The following HSP90AA1 variants were observed in gnomAD, a reference collection of about 807,000 sequenced individuals.
HSP90AA1 encodes heat shock protein 90 alpha family class A member 1.
HSP90AA1 carries 18 observed loss-of-function variants against 73.3 expected under a neutral mutation model. That is an observed-to-expected ratio of 0.25 (90% CI 0.17 to 0.36). The LOEUF (loss-of-function observed/expected upper bound fraction) is 0.36, where lower values mean the gene tolerates loss of function less well. Among genes scored for constraint, HSP90AA1 ranks in the 10% least tolerant of loss-of-function variants. The probability of loss-of-function intolerance (pLI) is 1.00; values close to 1 mark genes in which losing one functional copy is unlikely to be tolerated. For synonymous variants in HSP90AA1, 477 were observed against 296.9 expected, an observed-to-expected ratio of 1.61 and a Z score of -6.24; for missense variants, 704 against 874.2, an observed-to-expected ratio of 0.81 and a Z score of 2.45.
chr14:102,092,988 G>A (rs1432688082), intron 2 of HSP90AA1, among the ~76,000 whole-genome samples: 1 of 151,898 alleles, frequency 6.6e-6, no homozygotes, highest in Non-Finnish European at 1.5e-5. Flanking sequence ...CACGTGATCC[G>A]CCTGCCTCGG....
At chr14:102,138,340 A>G (rs1240033875) in intron 1 of HSP90AA1, among the ~76,000 whole-genome samples, 1 of 152,226 alleles carries the variant, frequency 6.6e-6, no homozygotes, top group Non-Finnish European at 1.5e-5. Context: ...CGTGTTTTCA[A>G]TGTAAAATAA....
chr14:102,089,325 C>A (rs560070989), upstream of HSP90AA1, among the ~76,000 whole-genome samples: 2 of 152,332 alleles, frequency 1.3e-5, no homozygotes, highest in East Asian at 3.9e-4. Flanking sequence ...TCACTGGGAA[C>A]CACTGTTTCC....
Position 102,084,906 on chromosome 14 carries a change from C to G in HSP90AA1, c.756G>C (p.Ser252=), listed in dbSNP as rs768673744. The change falls in exon 5 of 11, where the codon TCG becomes TCC. Residue 252 remains serine, a synonymous_variant. Coordinates refer to ENST00000216281, the MANE Select transcript of HSP90AA1 (RefSeq NM_005348.4). ...EEEKEKEEKE[S]EDKPEIEDVG... is the part of the protein sequence containing the mutation. Reference sequence around the variant, plus strand: ...CATCTTCAATTTCAGGTTTGTCTTCCGACTCTTTCTCTTCTTTTTCTTTTT... The same window carrying G: ...CATCTTCAATTTCAGGTTTGTCTTCGGACTCTTTCTCTTCTTTTTCTTTTT... 5 of 1,574,706 alleles carry G rather than the reference C, an allele frequency of 3.2e-6. No individual in the cohort carries two copies. The highest frequency in any genetic ancestry group is 4.4e-6 in the Non-Finnish European group (5 of 1,144,948).
rs912289152 is a variant in HSP90AA1, at chr14:102,081,217, T to G, written c.*495A>C. The G allele has an allele frequency of 1.8e-4, 43 of 243,730 alleles. No individual in the cohort carries two copies. Among genetic ancestry groups the G allele is most frequent in the Non-Finnish European group, 4.0e-5 (5 of 123,576 alleles). 15.1% of individuals were successfully genotyped at this position (243,730 alleles called of 1,614,324 possible). Reference sequence around the variant, plus strand: ...ATACTTTTCTTTGGAAAACAAGCCCTGTGGAGAGATCCTTCCATCAAGTTG... The same window carrying G: ...ATACTTTTCTTTGGAAAACAAGCCCGGTGGAGAGATCCTTCCATCAAGTTG... On this transcript the variant is annotated 3_prime_UTR_variant, in exon 11 of 11. Coordinates refer to ENST00000216281, the MANE Select transcript of HSP90AA1 (RefSeq NM_005348.4).
upstream of HSP90AA1, among the ~76,000 whole-genome samples, chr14:102,087,931 GTT>G (rs71116877): frequency 6.3e-3 from 690 of 109,628 alleles, 23 homozygotes; most frequent in African/African-American, 7.8e-3. Flanking sequence ...GCCCTAAAAG[GTT>G]TTTTTTTTTT....
chr14:102,116,156 T>C (rs956326209), intron 1 of HSP90AA1, among the ~76,000 whole-genome samples: 5 of 151,990 alleles, frequency 3.3e-5, no homozygotes, highest in Non-Finnish European at 7.4e-5. Flanking sequence ...GGTTTCAACG[T>C]GTTAGCCAGG....
chr14:102,083,765 TG>T, intron 7 of HSP90AA1, 27 bp downstream of exon 7: 1 of 1,595,916 alleles, frequency 6.3e-7, no homozygotes, highest in Non-Finnish European at 8.6e-7. Flanking sequence ...AGAGGCCAAT[TG>T]GAAAACTAAT....
At chr14:102,105,927 G>A (rs568389679) in intron 1 of HSP90AA1, among the ~76,000 whole-genome samples, 3 of 152,212 alleles carry the variant, frequency 2.0e-5, no homozygotes, top group South Asian at 4.2e-4. Flanking sequence ...AAAATCAGCC[G>A]GGTGTGGTGG....
chr14:102,101,802 C>G (rs1246619505), intron 2 of HSP90AA1: 6 of 1,257,454 alleles, frequency 4.8e-6, no homozygotes, highest in East Asian at 2.3e-5. Flanking sequence ...CTCCAACCAC[C>G]GGTTGGTTGG....
At position 102,081,713 on chromosome 14, in the gene HSP90AA1, T is replaced by C. The variant is rs931549430; in HGVS notation, c.2198A>G (p.Ter733=). 2.2e-6 allele frequency: 3 copies of C among 1,348,744 alleles called. No individual in the cohort carries two copies. The highest frequency in any genetic ancestry group is 1.4e-5 in the African/African-American group (1 of 69,718). 83.5% of individuals were successfully genotyped at this position (1,348,744 alleles called of 1,614,324 possible). Residue 733 remains the stop codon, a stop_retained_variant, in exon 11 of 11, where the codon TAA becomes TGA. Transcript: ENST00000216281. ...GGTAAGTCATCCCTCAGCCAGAGAT[T>C]AGTCTACTTCTTCCATGCGTGATGT... ...DDTSRMEEVD[*] is the part of the protein sequence containing the mutation.
chr14:102,088,266 C>T (rs1179675961), upstream of HSP90AA1, among the ~76,000 whole-genome samples: 2 of 152,236 alleles, frequency 1.3e-5, no homozygotes, highest in Admixed American at 6.5e-5. Context: ...TTCCTTCGAC[C>T]TGGCTTCCCT....
rs34704566 is a variant in HSP90AA1 at position 102,133,485 on chromosome 14, C to CTT, written c.155+5763_155+5764dup. 8.4e-3 allele frequency among the ~76,000 whole-genome samples: 1,127 copies of CTT among 134,248 alleles called. 24 individuals are homozygous for CTT. Among genetic ancestry groups the CTT allele is most frequent in the Admixed American group, 0.013 (171 of 12,990 alleles). 88.1% of individuals were successfully genotyped at this position (134,248 alleles called of 152,430 possible). A position where few individuals can be genotyped will look rare whatever the true frequency, so the allele number is the denominator to read the frequency against. Reference sequence around the variant, plus strand: ...GGTGAGAATGGGATTTAAACTAGTTCTTTTTTTTTTTTTTTGAGATGGAGT... The same window carrying CTT: ...GGTGAGAATGGGATTTAAACTAGTTCTTTTTTTTTTTTTTTTTGAGATGGAGT... On this transcript the variant is annotated intron_variant, in intron 1 of 11. Transcript: ENST00000334701.
At chr14:102,089,577 T>G (rs1344775810), upstream of HSP90AA1, among the ~76,000 whole-genome samples, 2 of 151,982 alleles carry the variant, frequency 1.3e-5, no homozygotes, top group African/African-American at 4.8e-5. Flanking sequence ...TGGAGGTGGG[T>G]CTTTGCCCCC....
At chr14:102,087,800 G>A (rs1371613801), upstream of HSP90AA1, among the ~76,000 whole-genome samples, 3 of 152,130 alleles carry the variant, frequency 2.0e-5, no homozygotes, top group Non-Finnish European at 2.9e-5. Flanking sequence ...TGGGAATCGG[G>A]GACTTGGTGA....
chr14:102,102,817 C>T (rs1266791172), intron 1 of HSP90AA1, among the ~76,000 whole-genome samples: 1 of 152,060 alleles, frequency 6.6e-6, no homozygotes, highest in Non-Finnish European at 1.5e-5. Context: ...GAGTGCATTG[C>T]TTAAGCCTAG....
chr14:102,122,441 C>T (rs1031365251), intron 1 of HSP90AA1, among the ~76,000 whole-genome samples: 6 of 151,712 alleles, frequency 4.0e-5, no homozygotes, highest in South Asian at 2.1e-4. Flanking sequence ...CAACCACACC[C>T]GGCTAATTTT....
chr14:102,089,156 G>A (rs1248888396), upstream of HSP90AA1, among the ~76,000 whole-genome samples: 4 of 152,042 alleles, frequency 2.6e-5, no homozygotes, highest in East Asian at 7.7e-4. Context: ...CGTGACCTCA[G>A]GTGATCCGCC....
rs374679946 is a variant in HSP90AA1, at chr14:102,085,987, C to T, written c.300G>A (p.Lys100=). 4.9e-5 allele frequency: 79 copies of T among 1,613,862 alleles called. No homozygotes were observed. The highest frequency in any genetic ancestry group is 6.4e-5 in the Non-Finnish European group (75 of 1,179,874). ...TIVDTGIGMT[K]ADLINNLGTI... Reference sequence around the variant, plus strand: ...TACCAAGGTTATTGATCAAGTCAGCCTTGGTCATTCCAATTCCAGTATCCA... The same window carrying T: ...TACCAAGGTTATTGATCAAGTCAGCTTTGGTCATTCCAATTCCAGTATCCA... Residue 100 remains lysine (K), a synonymous_variant, in exon 3 of 11, where the codon AAG becomes AAA. Transcript: ENST00000216281.
chr14:102,084,944 C>T lies in HSP90AA1; in HGVS notation c.718G>A (p.Asp240Asn), dbSNP rs1269175457. The change falls in exon 5 of 11, where the codon GAC becomes AAC. Residue 240 changes from aspartate to asparagine, a missense_variant. Transcript: ENST00000216281. ...VSDDEAEEKE[D>N]KEEEKEKEEK... The stretch of plus-strand genomic sequence containing the variant: ...TCTTTTTCTTTTTCTTCTTCTTTGT[C>T]TTCCTTTTCTTCAGCCTCATCATCG... The T allele has an allele frequency of 2.5e-6, 4 of 1,599,138 alleles. No individual in the cohort carries two copies. Among genetic ancestry groups the T allele is most frequent in the East Asian group, 2.2e-5 (1 of 44,826 alleles).
Sources: allele counts gnomAD v4.1 joint callset (sites outside exome capture counted in the v4.1 genomes callset), GRCh38; gene constraint gnomAD v4.1.1; transcripts MANE v1.5; gene names NCBI Gene and HGNC (gene_info 2026-07-23, HGNC 2026-07-21).